Variants in SLAMF6 observed in about 807,000 individuals in gnomAD.
SLAMF6 encodes the protein SLAM family member 6, also known as NK-T-B-antigen.
SLAMF6 carries 21 observed loss-of-function variants against 38.3 expected under a neutral mutation model. The observed-to-expected ratio is 0.55, with a 90% CI of 0.39 to 0.79. The LOEUF (loss-of-function observed/expected upper bound fraction) is 0.79. SLAMF6 is among the 30% of genes least tolerant of loss of function. The probability of loss-of-function intolerance (pLI) is 0.00; values close to 1 mark genes in which losing one functional copy is unlikely to be tolerated. For missense variants in SLAMF6, 341 were observed against 385.3 expected (o/e 0.89, Z 0.96); for synonymous variants, 152 against 146.3 (o/e 1.04, Z -0.28).
intron 1 of SLAMF6, among the ~76,000 whole-genome samples, chr1:160,517,668 C>G (rs1430103911): frequency 1.3e-5 from 2 of 152,178 alleles, no homozygotes; most frequent in Non-Finnish European, 2.9e-5. Flanking sequence ...GAATACTATG[C>G]AGCCATCAAA....
chr1:160,512,809 GCAA>G (rs905813403), intron 1 of SLAMF6, among the ~76,000 whole-genome samples: 1 of 152,130 alleles, frequency 6.6e-6, no homozygotes, highest in African/African-American at 2.4e-5. Flanking sequence ...CAAACAGAAA[GCAA>G]CAACAACAGC....
At chr1:160,490,447 C>G in intron 4 of SLAMF6, 128 bp downstream of exon 4, 1 of 1,361,872 alleles carries the variant, frequency 7.3e-7, no homozygotes, top group Middle Eastern at 2.5e-4. Flanking sequence ...AGTGGACTAG[C>G]TGAGCCAGGG....
At chr1:160,513,192 C>T (rs373521045) in intron 1 of SLAMF6, among the ~76,000 whole-genome samples, 1 of 152,126 alleles carries the variant, frequency 6.6e-6, no homozygotes, top group East Asian at 1.9e-4. Context: ...AACTGAAAAA[C>T]ACAACATGAA....
Position 160,490,446 on chromosome 1 carries a change from G to C in SLAMF6, c.757+129C>G, listed in dbSNP as rs1653223707. 16 of 1,347,008 alleles carry C rather than the reference G, an allele frequency of 1.2e-5. No homozygotes were observed. In the Admixed American group the frequency reaches 2.5e-4, roughly 21 times the overall value. 83.4% of individuals were successfully genotyped at this position (1,347,008 alleles called of 1,614,324 possible). On this transcript the variant is annotated intron_variant, in intron 4 of 7. Transcript: ENST00000368057. The stretch of plus-strand genomic sequence containing the variant: ...ACCCAGGGATTATCTCAGTGGACTA[G>C]CTGAGCCAGGGTTTGCAGCCTCCCT...
chr1:160,514,612 A>C (rs1654649269), intron 1 of SLAMF6, among the ~76,000 whole-genome samples: 1 of 152,090 alleles, frequency 6.6e-6, no homozygotes, highest in African/African-American at 2.4e-5. Context: ...GAAGTAAAAC[A>C]CTCCTCATCA....
At chr1:160,515,701 A>G (rs920412923) in intron 1 of SLAMF6, among the ~76,000 whole-genome samples, 8 of 152,208 alleles carry the variant, frequency 5.3e-5, no homozygotes, top group African/African-American at 1.9e-4. Flanking sequence ...CTGGTTCAAC[A>G]TATGCAAATC....
At chr1:160,514,216 T>A (rs141385849) in intron 1 of SLAMF6, among the ~76,000 whole-genome samples, 1 of 152,034 alleles carries the variant, frequency 6.6e-6, no homozygotes. Flanking sequence ...GGGATTGCAA[T>A]CCTAGTTTCT....
Position 160,496,198 on chromosome 1 carries a change from T to C in SLAMF6, c.245A>G (p.Gln82Arg), listed in dbSNP as rs1489585316. ...CTGGGTGAAGTTCAGTCGCTTTCCC[T>C]GTTTCGGATTAGTCACGTGGATTTC... ...SPEIHVTNPK[Q>R]GKRLNFTQSY... The change falls in exon 2 of 8, where the codon CAG (glutamine) becomes CGG (arginine). Residue 82 changes from glutamine to arginine, a missense_variant. Coordinates refer to ENST00000368057, the MANE Select transcript of SLAMF6 (RefSeq NM_001184714.2). The C allele has an allele frequency of 6.2e-7, 1 of 1,613,956 alleles. No individual in the cohort carries two copies.
At chr1:160,500,884 C>T (rs1293913536) in intron 1 of SLAMF6, among the ~76,000 whole-genome samples, 1 of 152,130 alleles carries the variant, frequency 6.6e-6, no homozygotes, top group African/African-American at 2.4e-5. Flanking sequence ...AGGAGCTGTT[C>T]TTCCCTTGCC....
intron 2 of SLAMF6, among the ~76,000 whole-genome samples, chr1:160,495,145 G>T (rs1356784416): frequency 2.0e-5 from 3 of 152,080 alleles, no homozygotes; most frequent in African/African-American, 7.2e-5. Flanking sequence ...GTGCTTTTTT[G>T]AGTACCATGT....
intron 1 of SLAMF6, among the ~76,000 whole-genome samples, chr1:160,512,708 G>C (rs1316354450): frequency 6.6e-6 from 1 of 152,114 alleles, no homozygotes; most frequent in Non-Finnish European, 1.5e-5. Context: ...CCACCAGGGT[G>C]GGGAGGGACC....
At position 160,485,138 on chromosome 1, in the gene SLAMF6, C is replaced by T. The variant is rs745585888; in HGVS notation, c.*1569G>A. 2.6e-5 allele frequency: 4 copies of T among 152,112 alleles called. No homozygotes were observed. Among genetic ancestry groups the T allele is most frequent in the African/African-American group, 9.7e-5 (4 of 41,404 alleles). The allele number at this position is 152,112 out of a possible 1,614,324, so 9.4% of individuals were successfully genotyped here. A position where few individuals can be genotyped will look rare whatever the true frequency, so the allele number is the denominator to read the frequency against. Reference sequence around the variant, plus strand: ...TGATTTTGGCTCACTGGAACCTCCACCTCCTGGGTTCAAGCGATTCTCCTG... The same window carrying T: ...TGATTTTGGCTCACTGGAACCTCCATCTCCTGGGTTCAAGCGATTCTCCTG... On this transcript the variant is annotated 3_prime_UTR_variant, in exon 8 of 8. Coordinates refer to ENST00000368057, the MANE Select transcript of SLAMF6 (RefSeq NM_001184714.2).
intron 1 of SLAMF6, among the ~76,000 whole-genome samples, chr1:160,512,017 C>A (rs1654498202): frequency 6.6e-6 from 1 of 152,208 alleles, no homozygotes; most frequent in Admixed American, 6.5e-5. Context: ...AGGAGATCCC[C>A]TCGTGAGCCA....
At chr1:160,512,571 A>T (rs1179948483) in intron 1 of SLAMF6, among the ~76,000 whole-genome samples, 1 of 152,212 alleles carries the variant, frequency 6.6e-6, no homozygotes, top group Non-Finnish European at 1.5e-5. Context: ...ACTCCCCAGC[A>T]GGGGTTACCA....
intron 2 of SLAMF6, among the ~76,000 whole-genome samples, chr1:160,492,891 C>G (rs933386567): frequency 3.3e-5 from 5 of 152,138 alleles, no homozygotes; most frequent in Non-Finnish European, 7.4e-5. Flanking sequence ...CACTTCTCAC[C>G]ATCTCCACTG....
intron 1 of SLAMF6, among the ~76,000 whole-genome samples, chr1:160,510,343 C>G (rs1031137746): frequency 6.6e-6 from 1 of 151,984 alleles, no homozygotes; most frequent in East Asian, 1.9e-4. Context: ...AAACTTTCAA[C>G]AGAATACTAA....
chr1:160,499,883 A>G (rs1223968151), intron 1 of SLAMF6, among the ~76,000 whole-genome samples: 4 of 152,222 alleles, frequency 2.6e-5, no homozygotes, highest in Non-Finnish European at 4.4e-5. Flanking sequence ...TCAGCATTTT[A>G]ACACACTGTT....
At chr1:160,517,074 A>G (rs931504280) in intron 1 of SLAMF6, among the ~76,000 whole-genome samples, 1 of 152,198 alleles carries the variant, frequency 6.6e-6, no homozygotes, top group Non-Finnish European at 1.5e-5. Flanking sequence ...CCAAGAGGCA[A>G]CCTACAGAGT....
intron 1 of SLAMF6, among the ~76,000 whole-genome samples, chr1:160,497,694 C>T (rs1025005257): frequency 1.3e-5 from 2 of 152,052 alleles, no homozygotes; most frequent in Non-Finnish European, 2.9e-5. Context: ...CATGTGTGCT[C>T]AGTGTTTAGC....
Sources: gnomAD v4.1 joint callset for allele counts (sites outside exome capture counted in the v4.1 genomes callset) on GRCh38, gnomAD v4.1.1 for gene constraint, MANE v1.5 for transcripts, NCBI Gene and HGNC (gene_info 2026-07-23, HGNC 2026-07-21) for gene names.